The following FXR1 variants were observed in gnomAD, a reference collection of about 807,000 sequenced individuals.
FXR1 encodes FMR1 autosomal homolog 1.
In FXR1, 15 loss-of-function variants were observed where a neutral mutation model predicts 84.0. That is an observed-to-expected ratio of 0.18 (90% confidence interval 0.12 to 0.27). The LOEUF is 0.27. FXR1 is among the 10% of genes least tolerant of loss of function. FXR1 has a pLI of 1.00. For missense variants in FXR1, 480 were observed against 774.4 expected, an observed-to-expected ratio of 0.62 and a Z score of 4.51; for synonymous variants, 245 against 250.7, an observed-to-expected ratio of 0.98 and a Z score of 0.21.
chr3:180,981,577 A>G lies in FXR1; in HGVS notation c.*5285A>G, dbSNP rs779874436. On this transcript the variant is annotated 3_prime_UTR_variant, in exon 17 of 17. Transcript: ENST00000357559. ...GGCAAGGGAAGAGGCTAAGTGACTCACAAAAATCTCTGATATTGAGGTCTA... is the reference window on the plus strand; with the variant it reads ...GGCAAGGGAAGAGGCTAAGTGACTCGCAAAAATCTCTGATATTGAGGTCTA... The G allele has an allele frequency of 6.6e-6, 1 of 152,146 alleles. No individual in the cohort carries two copies. Among genetic ancestry groups the G allele is most frequent in the Non-Finnish European group, 1.5e-5 (1 of 67,994 alleles). The allele number at this position is 152,146 out of a possible 1,614,324, so 9.4% of individuals were successfully genotyped here. A position where few individuals can be genotyped will look rare whatever the true frequency, so the allele number is the denominator to read the frequency against.
At chr3:180,929,464 A>G (rs1719627175) in intron 1 of FXR1, among the ~76,000 whole-genome samples, 1 of 152,202 alleles carries the variant, frequency 6.6e-6, no homozygotes, top group African/African-American at 2.4e-5. Flanking sequence ...ATGCCTTGAA[A>G]TCTTCTGTGT....
At chr3:180,975,888 A>G (rs768333667) in intron 16 of FXR1, among the ~76,000 whole-genome samples, 2 of 152,132 alleles carry the variant, frequency 1.3e-5, no homozygotes, top group South Asian at 2.1e-4. Flanking sequence ...ATTAGTTTAG[A>G]TGTTTTCTGT....
At chr3:180,931,636 A>G (rs989657696) in intron 1 of FXR1, among the ~76,000 whole-genome samples, 2 of 152,148 alleles carry the variant, frequency 1.3e-5, no homozygotes, top group Admixed American at 6.5e-5. Context: ...GGAGCTGAAG[A>G]AGAGAACTGA....
chr3:180,918,841 T>C (rs889297196), intron 1 of FXR1, among the ~76,000 whole-genome samples: 6 of 152,242 alleles, frequency 3.9e-5, no homozygotes. Context: ...CTTACTCGAA[T>C]TTCCCATTTA....
At chr3:180,927,037 A>T (rs1719315832) in intron 1 of FXR1, among the ~76,000 whole-genome samples, 1 of 152,090 alleles carries the variant, frequency 6.6e-6, no homozygotes, top group Non-Finnish European at 1.5e-5. Flanking sequence ...GCTTGAATCC[A>T]GGTTTTGGAC....
chr3:180,945,285 C>T (rs1033370381), intron 3 of FXR1, among the ~76,000 whole-genome samples: 1 of 152,178 alleles, frequency 6.6e-6, no homozygotes, highest in Admixed American at 6.5e-5. Context: ...AATATTTTTG[C>T]ATTTCATTAT....
At chr3:180,967,504 T>G (rs1265762205) in intron 13 of FXR1, among the ~76,000 whole-genome samples, 1 of 152,008 alleles carries the variant, frequency 6.6e-6, no homozygotes, top group African/African-American at 2.4e-5. Flanking sequence ...AAAACCCAAA[T>G]CAGCAGAAAC....
At chr3:180,953,701 G>GATT in intron 8 of FXR1, 61 bp from the exon 9 acceptor site, 1 of 785,486 alleles carries the variant, frequency 1.3e-6, no homozygotes, top group Non-Finnish European at 2.2e-6. Flanking sequence ...TCTTGTTTTG[G>GATT]ATTATGGGTT....
At chr3:180,926,506 A>ATT (rs57540765) in intron 1 of FXR1, among the ~76,000 whole-genome samples, 3,849 of 124,222 alleles carry the variant, frequency 0.031, 99 homozygotes, top group East Asian at 0.08. Flanking sequence ...ATATATATAT[A>ATT]TTTTTTTTTC....
rs1714356367 is a variant in FXR1 at position 180,977,590 on chromosome 3, G to A, written c.*1298G>A. 1.3e-5 allele frequency: 2 copies of A among 152,020 alleles called. No homozygotes were observed. Among genetic ancestry groups the A allele is most frequent in the South Asian group, 2.1e-4 (1 of 4,818 alleles). The allele number at this position is 152,020 out of a possible 1,614,324, so 9.4% of individuals were successfully genotyped here. On this transcript the variant is annotated 3_prime_UTR_variant, in exon 17 of 17. Coordinates refer to ENST00000357559, the MANE Select transcript of FXR1 (RefSeq NM_005087.4). ...TTAGCCAGAGCTTAATTTTTATGAA[G>A]ATAAAGACATGAAGTTTAACAATGG...
At chr3:180,914,778 A>C (rs1046000862) in intron 1 of FXR1, 2 of 973,470 alleles carry the variant, frequency 2.1e-6, no homozygotes, top group Middle Eastern at 5.3e-4. Context: ...ATTTTGCCTC[A>C]CAAAGTGAGT....
rs1384695861 is a variant in FXR1 at position 180,974,942 on chromosome 3, T to TC, written c.1604-365dup. On this transcript the variant is annotated intron_variant, in intron 15 of 16. Coordinates refer to ENST00000357559, the MANE Select transcript of FXR1 (RefSeq NM_005087.4). ...GGACCAAATTTGCCCCATTCCCCCC[T>TC]CCCCCCGACTCCCCGATAATTGCAA... Among the ~76,000 whole-genome samples, 3 of 82,980 alleles carry TC rather than the reference T, an allele frequency of 3.6e-5. No individual in the cohort carries two copies. The East Asian group carries it at 1.2e-3, about 34-fold the overall frequency. 54.4% of individuals were successfully genotyped at this position (82,980 alleles called of 152,430 possible).
At chr3:180,926,504 A>T (rs10715869) in intron 1 of FXR1, among the ~76,000 whole-genome samples, 40,594 of 95,056 alleles carry the variant, frequency 0.43, 6,701 homozygotes, top group African/African-American at 0.58. Flanking sequence ...ATATATATAT[A>T]TATTTTTTTT....
Position 180,968,031 on chromosome 3 carries a change from A to T in FXR1, c.1199-20A>T, listed in dbSNP as rs1456423778. ...CTTTTTATAGAAATCTAAGTGGTTT[A>T]TGTTCTTTTCTTTTCCAAGGTACAA... On this transcript the variant is annotated intron_variant, in intron 13 of 16. Transcript: ENST00000357559. The T allele has an allele frequency of 6.6e-7, 1 of 1,505,464 alleles. No individual in the cohort carries two copies. The highest frequency in any genetic ancestry group is 1.1e-5 in the South Asian group (1 of 88,886). The allele number at this position is 1,505,464 out of a possible 1,614,324, so 93.3% of individuals were successfully genotyped here. A position where few individuals can be genotyped will look rare whatever the true frequency, so the allele number is the denominator to read the frequency against.
chr3:180,918,123 T>C (rs1362710967), intron 1 of FXR1, among the ~76,000 whole-genome samples: 3 of 152,068 alleles, frequency 2.0e-5, no homozygotes, highest in African/African-American at 4.8e-5. Flanking sequence ...CAGAAAACAT[T>C]ATTTTTCCGT....
intron 9 of FXR1, 31 bp from the exon 10 acceptor site, chr3:180,957,787 CT>C: frequency 1.0e-6 from 1 of 986,782 alleles, no homozygotes; most frequent in Non-Finnish European, 1.6e-6. Context: ...TGAGTTTTAG[CT>C]TACCATTGTA....
At chr3:180,940,996 G>C (rs1232495407) in intron 3 of FXR1, among the ~76,000 whole-genome samples, 1 of 152,154 alleles carries the variant, frequency 6.6e-6, no homozygotes, top group Admixed American at 6.6e-5. Flanking sequence ...GAATTGGCAA[G>C]TTTTTGTTCT....
chr3:180,943,860 T>C (rs1315250748), intron 3 of FXR1, among the ~76,000 whole-genome samples: 2 of 152,192 alleles, frequency 1.3e-5, no homozygotes, highest in Admixed American at 6.5e-5. Flanking sequence ...ACAAGAGATA[T>C]TCGAACTGCC....
chr3:180,926,507 T>TATATATATATA (rs397991792), intron 1 of FXR1, among the ~76,000 whole-genome samples: 3 of 79,168 alleles, frequency 3.8e-5, no homozygotes, highest in Admixed American at 1.1e-4. Context: ...TATATATATA[T>TATATATATATA]TTTTTTTTCT....
Sources: gnomAD v4.1 joint callset for allele counts (sites outside exome capture counted in the v4.1 genomes callset) on GRCh38, gnomAD v4.1.1 for gene constraint, MANE v1.5 for transcripts, NCBI Gene and HGNC (gene_info 2026-07-23, HGNC 2026-07-21) for gene names.